HSPG2: variants seen among roughly 807,000 people sequenced by gnomAD.
The protein encoded by HSPG2 is basement membrane-specific heparan sulfate proteoglycan core protein.
HSPG2 carries 278 observed loss-of-function variants against 526.6 expected under a neutral mutation model. The ratio of observed to expected loss-of-function variants is 0.53; its 90% CI spans 0.48 to 0.58. The LOEUF (loss-of-function observed/expected upper bound fraction) is 0.58. Ranked by LOEUF, HSPG2 falls within the 20% of genes least tolerant of loss-of-function variation. The pLI, the probability that HSPG2 is intolerant of heterozygous loss-of-function variation, is 0.00. For synonymous variants in HSPG2, 2,465 were observed against 2,555.4 expected (o/e 0.96, Z 1.07); for missense variants, 5,354 against 6,099.5 (o/e 0.88, Z 4.07).
In HSPG2 at chr1:21,829,560, G is replaced by C. The variant is rs754126367; in HGVS notation, c.11815C>G (p.Leu3939Val). Residue 3939 changes from leucine to valine, a missense_variant, in exon 87 of 97, where the codon CTG becomes GTG. By Grantham distance (32) the Leu-to-Val change is conservative (BLOSUM62 1). Transcript: ENST00000374695. ...GTGTTGGTGAGGGCGGGCAGTGCCA[G>C]GTAGGAGCCAGCACCCGACAGCGAG... is the stretch of plus-strand genomic sequence containing the variant. ...TPSLSGAGSY[L>V]ALPALTNTHH... is the part of the protein sequence containing the mutation. The C allele has an allele frequency of 6.2e-7, 1 of 1,610,816 alleles. No homozygotes were observed. Among genetic ancestry groups the C allele is most frequent in the African/African-American group, 1.3e-5 (1 of 74,860 alleles).
chr1:21,906,273 C>G lies in HSPG2; in HGVS notation c.64-9963G>C, dbSNP rs116567587. Among the ~76,000 whole-genome samples, 639 of 152,294 alleles carry G rather than the reference C, an allele frequency of 4.2e-3. 8 individuals are homozygous for G. The highest frequency in any genetic ancestry group is 0.015 in the African/African-American group (608 of 41,570). ...ATCCCGGAGGGGTGGGTGGGGGCCTCGGAGGCGAGCAGGGGCCAGAACTCT... is the reference window on the plus strand; with the variant it reads ...ATCCCGGAGGGGTGGGTGGGGGCCTGGGAGGCGAGCAGGGGCCAGAACTCT... On this transcript the variant is annotated intron_variant, in intron 1 of 96. Transcript: ENST00000374695.
rs1467203823 is a variant in HSPG2 at position 21,933,263 on chromosome 1, G to A, written c.63+3892C>T. ...AGAAAAAGAAACAAAGACTGGTATAGCTGGAGGAGTTTGAGAGGAGCAGGT... is the reference window on the plus strand; with the variant it reads ...AGAAAAAGAAACAAAGACTGGTATAACTGGAGGAGTTTGAGAGGAGCAGGT... On this transcript the variant is annotated intron_variant, in intron 1 of 96. Coordinates refer to ENST00000374695, the MANE Select transcript of HSPG2 (RefSeq NM_005529.7). 5.3e-5 allele frequency among the ~76,000 whole-genome samples: 8 copies of A among 152,096 alleles called. No homozygotes were observed. In the East Asian group the frequency reaches 1.5e-3, roughly 29 times the overall value.
At chr1:21,886,502 T>A (rs577284588) in intron 9 of HSPG2, among the ~76,000 whole-genome samples, 1 of 152,180 alleles carries the variant, frequency 6.6e-6, no homozygotes, top group East Asian at 1.9e-4. Context: ...CTGAAGATTA[T>A]CCTTAATCTT....
chr1:21,824,247 C>A lies in HSPG2; in HGVS notation c.12816-43G>T. On this transcript the variant is annotated intron_variant, in intron 94 of 96. Coordinates refer to ENST00000374695, the MANE Select transcript of HSPG2 (RefSeq NM_005529.7). This position sits in a 1 kb window ranked among gnomAD's most constrained non-coding sequence, Gnocchi z 5.9. ...CAAGAAGTATGAGCTGGGGCAGGAC[C>A]GGGGGGTGGGGTGCTGGGACCAGGG... is the stretch of plus-strand genomic sequence containing the variant. 1 of 1,612,800 alleles carries A rather than the reference C, an allele frequency of 6.2e-7. No homozygotes were observed. Among genetic ancestry groups the A allele is most frequent in the Non-Finnish European group, 8.5e-7 (1 of 1,179,260 alleles).
intron 57 of HSPG2, 85 bp from the exon 58 acceptor site, chr1:21,849,116 TC>T: frequency 6.7e-7 from 1 of 1,495,128 alleles, no homozygotes; most frequent in Non-Finnish European, 9.2e-7. Flanking sequence ...CTGGTGCCAC[TC>T]CCAGCCCAGC....
Position 21,860,161 on chromosome 1 carries a change from C to T in HSPG2, c.5014+16G>A. On this transcript the variant is annotated intron_variant, in intron 40 of 96. Transcript: ENST00000374695. ...CCTTGCCCATCGTCCCCATCCTGGG[C>T]CATGGTCCCACTTACTCTCTGGCAG... 1 of 1,613,614 alleles carries T rather than the reference C, an allele frequency of 6.2e-7. No individual in the cohort carries two copies. Among genetic ancestry groups the T allele is most frequent in the Non-Finnish European group, 8.5e-7 (1 of 1,179,698 alleles).
Position 21,830,974 on chromosome 1 carries a change from G to T in HSPG2, c.11671+8C>A, listed in dbSNP as rs754486056. On this transcript the variant is annotated splice_region_variant and intron_variant, in intron 85 of 96. Transcript: ENST00000374695. ...GGGGCGACAGCGACTGGCGGTCGGGGTGCGTACCTGGATGGCAGTGCAGGG... is the reference window on the plus strand; with the variant it reads ...GGGGCGACAGCGACTGGCGGTCGGGTTGCGTACCTGGATGGCAGTGCAGGG... 1.9e-6 allele frequency: 3 copies of T among 1,563,340 alleles called. No homozygotes were observed. Among genetic ancestry groups the T allele is most frequent in the East Asian group, 2.3e-5 (1 of 43,320 alleles).
rs1163435867 is a variant in HSPG2, at chr1:21,829,468, G to A, written c.11907C>T (p.Ser3969=). ...CCTCCACAGGCCCGCTCTTCCCCCCGCTGAACAGCAGGACCCCGTCAGGGG... is the reference window on the plus strand; with the variant it reads ...CCTCCACAGGCCCGCTCTTCCCCCCACTGAACAGCAGGACCCCGTCAGGGG... ...PLAPDGVLLF[S]GGKSGPVEDF... The change falls in exon 87 of 97, where the codon AGC becomes AGT. Residue 3969 remains serine (S), a synonymous_variant. Transcript: ENST00000374695. 2.5e-6 allele frequency: 4 copies of A among 1,613,238 alleles called. No homozygotes were observed. Among genetic ancestry groups the A allele is most frequent in the African/African-American group, 1.3e-5 (1 of 74,914 alleles).
intron 1 of HSPG2, among the ~76,000 whole-genome samples, chr1:21,924,889 AT>A (rs1418812551): frequency 6.6e-6 from 1 of 152,080 alleles, no homozygotes; most frequent in African/African-American, 2.4e-5. Flanking sequence ...TTTAAGCCCC[AT>A]TTCCTCTAGA....
At chr1:21,832,017 A>C (rs2098006503) in intron 81 of HSPG2, among the ~76,000 whole-genome samples, 1 of 152,038 alleles carries the variant, frequency 6.6e-6, no homozygotes, top group Non-Finnish European at 1.5e-5. Flanking sequence ...GAGCTTTCCC[A>C]GAGCAGCCCA....
chr1:21,878,848 A>G, intron 18 of HSPG2, 146 bp downstream of exon 18: 1 of 1,214,642 alleles, frequency 8.2e-7, no homozygotes, highest in Non-Finnish European at 1.2e-6. Flanking sequence ...AAGGAAACAG[A>G]GGCCTAGAGA....
At position 21,846,236 on chromosome 1, in the gene HSPG2, C is replaced by T. The variant is rs529205824; in HGVS notation, c.8336G>A (p.Arg2779Gln). 211 of 1,612,884 alleles carry T rather than the reference C, an allele frequency of 1.3e-4. 5 individuals carry two copies. The South Asian group carries it at 2.1e-3, about 16-fold the overall frequency. Residue 2779 changes from arginine (R) to glutamine (Q), a missense_variant, in exon 64 of 97, where the codon CGG (arginine) becomes CAG (glutamine). Arg to Gln is a conservative substitution (Grantham distance 43). Coordinates refer to ENST00000374695, the MANE Select transcript of HSPG2 (RefSeq NM_005529.7). ...GTCGGCCGGGGACACATGGTGCAGC[C>T]GCAGCCGTGAGCCGCGGGTCTGAAT... Reference protein sequence around the residue: ...SHHQTRGSRLRLHHVSPADSG... With the variant: ...SHHQTRGSRLQLHHVSPADSG...
chr1:21,873,288 G>T, intron 30 of HSPG2, 87 bp downstream of exon 30: 1 of 1,491,806 alleles, frequency 6.7e-7, no homozygotes, highest in Non-Finnish European at 9.4e-7. Context: ...GACAGGCAAA[G>T]CCAAAGGGGA....
In HSPG2 at chr1:21,874,006, G is replaced by T; in HGVS notation, c.3662C>A (p.Ala1221Asp). Reference sequence around the variant, plus strand: ...GTCTGTGTCCAGAAAACAAGTGTGGGCAGCCCTGAGTGTGGGGGCAGATTT... The same window carrying T: ...GTCTGTGTCCAGAAAACAAGTGTGGTCAGCCCTGAGTGTGGGGGCAGATTT... ...CYGDPAAGQA[A>D]HTCFLDTDGH... Residue 1221 changes from alanine (A) to aspartate (D), a missense_variant, in exon 29 of 97, where the codon GCC becomes GAC. Coordinates refer to ENST00000374695, the MANE Select transcript of HSPG2 (RefSeq NM_005529.7). The T allele has an allele frequency of 6.2e-7, 1 of 1,601,660 alleles. No individual in the cohort carries two copies. Among genetic ancestry groups the T allele is most frequent in the East Asian group, 2.2e-5 (1 of 44,550 alleles).
chr1:21,833,316 AGGC>A lies in HSPG2; in HGVS notation c.11044_11046del (p.Ala3682del). On this transcript the variant is annotated inframe_deletion, in exon 80 of 97. Coordinates refer to ENST00000374695, the MANE Select transcript of HSPG2 (RefSeq NM_005529.7). The stretch of plus-strand genomic sequence containing the variant: ...GTGATCTTGATCTCGAACTTCCTGT[AGGC>A]ATCCTTGATGGTGGGCAGCGGTAGG... 6.2e-7 allele frequency: 1 copy of A among 1,614,100 alleles called. No individual in the cohort carries two copies. Among genetic ancestry groups the A allele is most frequent in the Non-Finnish European group, 8.5e-7 (1 of 1,180,008 alleles).
rs1237424240 is a variant in HSPG2, at chr1:21,865,770, A to G, written c.4261T>C (p.Tyr1421His). Residue 1421 changes from tyrosine to histidine, a missense_variant, in exon 34 of 97, where the codon TAC becomes CAC. Physicochemically the swap from Tyr to His is moderately conservative, Grantham distance 83. Transcript: ENST00000374695. The surrounding 1 kb of genome is among the most constrained non-coding windows in gnomAD (Gnocchi z 5.4). The part of the protein sequence containing the change: ...YGGKLRYTLS[Y>H]TAGPQGSPLS... ...GGGCTGCCCTGTGGGCCTGCTGTGT[A>G]GGAGAGGGTGTATCGCAACTTCCCA... 6.2e-7 allele frequency: 1 copy of G among 1,613,644 alleles called. No homozygotes were observed. The highest frequency in any genetic ancestry group is 8.5e-7 in the Non-Finnish European group (1 of 1,179,982).
At chr1:21,931,654 C>T (rs1310011512) in intron 1 of HSPG2, among the ~76,000 whole-genome samples, 1 of 152,168 alleles carries the variant, frequency 6.6e-6, no homozygotes, top group Non-Finnish European at 1.5e-5. Context: ...TCCCATATAC[C>T]CCAAGTAGTC....
At chr1:21,842,694 T>G in intron 67 of HSPG2, 76 bp downstream of exon 67, 318 of 1,580,680 alleles carry the variant, frequency 2.0e-4, no homozygotes, top group Non-Finnish European at 2.5e-4. Flanking sequence ...GGTGTTTGCA[T>G]GAGGTTTGGG....
intron 1 of HSPG2, among the ~76,000 whole-genome samples, chr1:21,917,835 T>C: frequency 6.6e-6 from 1 of 152,198 alleles, no homozygotes; most frequent in East Asian, 1.9e-4. Flanking sequence ...ATATGTGGAC[T>C]TAATTTCTAC....
Sources: allele counts gnomAD v4.1 joint callset (sites outside exome capture counted in the v4.1 genomes callset), GRCh38; gene constraint gnomAD v4.1.1; non-coding constraint Gnocchi (gnomAD v3.1); transcripts MANE v1.5; gene names NCBI Gene and HGNC (gene_info 2026-07-23, HGNC 2026-07-21).